PPM1H: variants seen among roughly 807,000 people sequenced by gnomAD.
PPM1H encodes the protein protein phosphatase 1H.
In PPM1H, 27 loss-of-function variants were observed where a neutral mutation model predicts 54.9. The observed-to-expected ratio is 0.49, with a 90% CI of 0.36 to 0.68. The LOEUF (loss-of-function observed/expected upper bound fraction) is 0.68. Among genes scored for constraint, PPM1H ranks in the 30% least tolerant of loss-of-function variants. PPM1H has a pLI of 0.00. For synonymous variants in PPM1H, 305 were observed against 270.8 expected, an observed-to-expected ratio of 1.13 and a Z score of -1.24; for missense variants, 596 against 667.8, an observed-to-expected ratio of 0.89 and a Z score of 1.19.
rs533357411 is a variant in PPM1H at position 62,788,029 on chromosome 12, G to A, written c.869+197C>T. ...CTACTGGTTTAGATTTATCACAGAC[G>A]TGTACATGAAATGCTATATGCATAA... is the stretch of plus-strand genomic sequence containing the variant. On this transcript the variant is annotated intron_variant, in intron 4 of 9. Coordinates refer to ENST00000228705, the MANE Select transcript of PPM1H (RefSeq NM_020700.2). 3.8e-4 allele frequency among the ~76,000 whole-genome samples: 58 copies of A among 152,280 alleles called. 1 individual carries two copies. The highest frequency in any genetic ancestry group is 6.5e-4 in the Admixed American group (10 of 15,304).
At chr12:62,684,747 AAAG>A (rs1463712036) in intron 8 of PPM1H, among the ~76,000 whole-genome samples, 2 of 152,180 alleles carry the variant, frequency 1.3e-5, no homozygotes, top group Non-Finnish European at 2.9e-5. Flanking sequence ...GGAGTCACAG[AAAG>A]AAGGTGGGCC....
chr12:62,863,151 G>T (rs1171910219), intron 1 of PPM1H, among the ~76,000 whole-genome samples: 1 of 151,934 alleles, frequency 6.6e-6, no homozygotes, highest in Non-Finnish European at 1.5e-5. Context: ...CTCCAGCATA[G>T]CTGGGACCGC....
chr12:62,851,231 G>A (rs1250876570), intron 1 of PPM1H, among the ~76,000 whole-genome samples: 1 of 152,114 alleles, frequency 6.6e-6, no homozygotes, highest in Non-Finnish European at 1.5e-5. Flanking sequence ...AGCTTGTAGG[G>A]CCAGAAAGCA....
At chr12:62,908,168 C>T (rs1377070558) in intron 1 of PPM1H, among the ~76,000 whole-genome samples, 3 of 152,054 alleles carry the variant, frequency 2.0e-5, no homozygotes, top group Admixed American at 1.3e-4. Context: ...AATCCCAGCA[C>T]TTTGGGAAGC....
Position 62,838,738 on chromosome 12 carries a change from GGTGAAAC to G in PPM1H, c.246-6466_246-6460del, listed in dbSNP as rs1868597377. On this transcript the variant is annotated intron_variant, in intron 1 of 9. Coordinates refer to ENST00000228705, the MANE Select transcript of PPM1H (RefSeq NM_020700.2). The stretch of plus-strand genomic sequence containing the variant: ...AGATCGAGACCATCCTGGCTAACAC[GGTGAAAC>G]CCCGTCTCTACTAAAAATACAAAAA... Among the ~76,000 whole-genome samples the G allele has an allele frequency of 1.8e-5, 2 of 110,010 alleles. 1 individual carries two copies. The highest frequency in any genetic ancestry group is 3.7e-5 in the Non-Finnish European group (2 of 53,494). The allele number at this position is 110,010 out of a possible 152,430, so 72.2% of individuals were successfully genotyped here.
At chr12:62,660,927 G>A (rs1477657327) in intron 9 of PPM1H, among the ~76,000 whole-genome samples, 1 of 152,176 alleles carries the variant, frequency 6.6e-6, no homozygotes, top group African/African-American at 2.4e-5. Context: ...AGATTTTGCA[G>A]AATGCTTCCT....
At chr12:62,801,401 T>C (rs1007410938) in intron 3 of PPM1H, among the ~76,000 whole-genome samples, 1 of 152,066 alleles carries the variant, frequency 6.6e-6, no homozygotes, top group Non-Finnish European at 1.5e-5. Flanking sequence ...CACTGCAATC[T>C]CTGTCTCCCA....
At chr12:62,771,295 GACACACACACACACACAC>G (rs4026219) in intron 4 of PPM1H, among the ~76,000 whole-genome samples, 20 of 131,968 alleles carry the variant, frequency 1.5e-4, no homozygotes, top group Admixed American at 1.1e-3. Flanking sequence ...ACTTTGTGAA[GACACACACACACACACAC>G]ACACACACAC....
At chr12:62,778,475 T>C (rs1253029682) in intron 4 of PPM1H, among the ~76,000 whole-genome samples, 1 of 152,194 alleles carries the variant, frequency 6.6e-6, no homozygotes, top group Non-Finnish European at 1.5e-5. Flanking sequence ...TGTCCCCTTC[T>C]GTCTCACTGG....
intron 5 of PPM1H, among the ~76,000 whole-genome samples, chr12:62,722,081 C>T (rs1215251429): frequency 6.6e-6 from 1 of 152,104 alleles, no homozygotes; most frequent in Non-Finnish European, 1.5e-5. Context: ...CGGCACCCTC[C>T]GCGACCGCAC....
intron 1 of PPM1H, among the ~76,000 whole-genome samples, chr12:62,833,094 C>T (rs1210461278): frequency 6.6e-6 from 1 of 152,220 alleles, no homozygotes; most frequent in Non-Finnish European, 1.5e-5. Context: ...AATTAAGCAG[C>T]AGCTAAAACA....
chr12:62,653,574 A>G (rs1243363258), intron 9 of PPM1H, among the ~76,000 whole-genome samples: 1 of 152,142 alleles, frequency 6.6e-6, no homozygotes. Context: ...GTTTTCTTTG[A>G]GGGCCCGGAG....
rs1262968099 is a variant in PPM1H, at chr12:62,683,159, C to G, written c.1245+6540G>C. 5.3e-5 allele frequency among the ~76,000 whole-genome samples: 8 copies of G among 149,980 alleles called. 1 individual carries two copies. In the East Asian group the frequency reaches 1.4e-3, roughly 26 times the overall value. On this transcript the variant is annotated intron_variant, in intron 8 of 9. Transcript: ENST00000228705. ...TCCTGGGTTCAAATGATCTTCTCGC[C>G]TTGGCCTCCCAAAGTGCTGGGATTA...
intron 1 of PPM1H, among the ~76,000 whole-genome samples, chr12:62,932,628 C>CTTTTTTGTTTTTTTTTTT (rs1872177633): frequency 1.9e-5 from 1 of 54,012 alleles, no homozygotes; most frequent in Non-Finnish European, 3.2e-5. Flanking sequence ...TCCAAATGGG[C>CTTTTTTGTTTTTTTTTTT]TTTTTTTTTT....
At chr12:62,657,063 C>T (rs1355317896) in intron 9 of PPM1H, among the ~76,000 whole-genome samples, 2 of 152,136 alleles carry the variant, frequency 1.3e-5, no homozygotes, top group African/African-American at 4.8e-5. Context: ...TCCACTCAGG[C>T]AGAATACCCT....
At chr12:62,856,463 CT>C (rs1250318109) in intron 1 of PPM1H, among the ~76,000 whole-genome samples, 4 of 151,968 alleles carry the variant, frequency 2.6e-5, no homozygotes, top group African/African-American at 9.7e-5. Context: ...TTTGTTGTCT[CT>C]TTTTTTTATT....
chr12:62,755,956 G>C, intron 4 of PPM1H: 2 of 923,482 alleles, frequency 2.2e-6, no homozygotes, highest in Non-Finnish European at 3.5e-6. Flanking sequence ...TGTCAGTTGT[G>C]GGCCTGAACT....
chr12:62,681,923 A>T (rs2076020910), intron 8 of PPM1H, among the ~76,000 whole-genome samples: 1 of 152,202 alleles, frequency 6.6e-6, no homozygotes, highest in East Asian at 1.9e-4. Flanking sequence ...TAAGTACTTC[A>T]TATGTCATTC....
intron 4 of PPM1H, among the ~76,000 whole-genome samples, chr12:62,784,810 T>C (rs1002374540): frequency 1.3e-5 from 2 of 152,256 alleles, no homozygotes; most frequent in African/African-American, 4.8e-5. Context: ...TAGAAGATGA[T>C]ATCAGTATCT....
Sources: gnomAD v4.1 joint callset for allele counts (sites outside exome capture counted in the v4.1 genomes callset) on GRCh38, gnomAD v4.1.1 for gene constraint, MANE v1.5 for transcripts, NCBI Gene and HGNC (gene_info 2026-07-23, HGNC 2026-07-21) for gene names.